GPSM1: variants seen among roughly 807,000 people sequenced by gnomAD.
GPSM1 encodes the protein G protein-signaling modulator 1.
GPSM1 carries 48 observed loss-of-function variants against 70.5 expected under a neutral mutation model. That is an observed-to-expected ratio of 0.68 (90% CI 0.54 to 0.87). The LOEUF (loss-of-function observed/expected upper bound fraction) is 0.87. GPSM1 is among the 40% of genes least tolerant of loss of function. The pLI is 0.00. For missense variants in GPSM1, 981 were observed against 972.6 expected, an observed-to-expected ratio of 1.01 and a Z score of -0.11; for synonymous variants, 416 against 430.1, an observed-to-expected ratio of 0.97 and a Z score of 0.41.
intron 1 of GPSM1, among the ~76,000 whole-genome samples, chr9:136,332,849 A>G (rs1183810863): frequency 2.0e-5 from 3 of 151,016 alleles, no homozygotes; most frequent in Non-Finnish European, 4.4e-5. Context: ...CAAAAAAAAA[A>G]AAAAAAAAAA....
chr9:136,354,858 T>G, intron 11 of GPSM1: 1 of 1,003,692 alleles, frequency 1.0e-6, no homozygotes, highest in Middle Eastern at 5.0e-4. Context: ...ACACAGGGTG[T>G]GGTGGGCACA....
chr9:136,350,058 C>T (rs1832622895), intron 11 of GPSM1, among the ~76,000 whole-genome samples: 1 of 152,236 alleles, frequency 6.6e-6, no homozygotes, highest in Non-Finnish European at 1.5e-5. Context: ...CTCTTTGGGC[C>T]TCAGTTTCCA....
intron 3 of GPSM1, 141 bp downstream of exon 3, chr9:136,336,242 C>T (rs1163453048): frequency 2.9e-5 from 30 of 1,020,706 alleles, no homozygotes; most frequent in Non-Finnish European, 4.1e-5. Flanking sequence ...CCCTAGATCC[C>T]GAGTGACTCA....
At chr9:136,331,374 C>CCCCG (rs1355685062) in intron 1 of GPSM1, among the ~76,000 whole-genome samples, 2 of 151,318 alleles carry the variant, frequency 1.3e-5, no homozygotes, top group African/African-American at 4.8e-5. Flanking sequence ...GCCCCCCCCC[C>CCCCG]CCGCTGCCCC....
In GPSM1 at chr9:136,338,099, G is replaced by T. The variant is rs73560802; in HGVS notation, c.818+138G>T. 784 of 633,120 alleles carry T rather than the reference G, an allele frequency of 1.2e-3. 5 individuals are homozygous for T. The African/African-American group carries it at 0.013, about 10-fold the overall frequency. 39.2% of individuals were successfully genotyped at this position (633,120 alleles called of 1,614,324 possible). On this transcript the variant is annotated intron_variant, in intron 6 of 13. Coordinates refer to ENST00000440944, the MANE Select transcript of GPSM1 (RefSeq NM_001145638.3). ...AGAAGGCAAGGTGGGGTTCTAGGCT[G>T]CCCCGGGAAGGGCAGACGGACAAAG... is the stretch of plus-strand genomic sequence containing the variant.
rs78623466 is a variant in GPSM1 at position 136,330,133 on chromosome 9, G to A, written c.68+2370G>A. On this transcript the variant is annotated intron_variant, in intron 1 of 13. Transcript: ENST00000440944. The stretch of plus-strand genomic sequence containing the variant: ...ACAGGCCAGTGGCTGAGAAGGCCCC[G>A]GAAAGTGGGGAAACCCTGGGTGGTC... Among the ~76,000 whole-genome samples the A allele has an allele frequency of 1.6e-3, 241 of 152,236 alleles. 9 individuals are homozygous for A. In the East Asian group the frequency reaches 0.044, roughly 28 times the overall value.
At position 136,358,224 on chromosome 9, in the gene GPSM1, C is replaced by T. The variant is rs1367669036; in HGVS notation, c.*4C>T. On this transcript the variant is annotated 3_prime_UTR_variant, in exon 14 of 14. Coordinates refer to ENST00000440944, the MANE Select transcript of GPSM1 (RefSeq NM_001145638.3). ...GTGCCAGCCTGGTGCGAGCTAAGGC[C>T]CTGTGCCCACCGCCAGGCCCACCCT... 2 of 1,539,702 alleles carry T rather than the reference C, an allele frequency of 1.3e-6. No homozygotes were observed. The highest frequency in any genetic ancestry group is 2.7e-5 in the African/African-American group (2 of 73,052).
chr9:136,334,875 G>A (rs1252814536), intron 2 of GPSM1, among the ~76,000 whole-genome samples: 5 of 151,898 alleles, frequency 3.3e-5, no homozygotes, highest in South Asian at 2.1e-4. Flanking sequence ...CCCTGCTGGC[G>A]GGTGAGTGGG....
intron 1 of GPSM1, among the ~76,000 whole-genome samples, chr9:136,329,066 T>C (rs28676733): frequency 0.52 from 79,349 of 151,918 alleles, 21,431 homozygotes; most frequent in African/African-American, 0.64. Context: ...CAGCTGACCA[T>C]AGAGTTGGGC....
At chr9:136,354,279 A>C (rs1184933607) in intron 11 of GPSM1, among the ~76,000 whole-genome samples, 1 of 151,936 alleles carries the variant, frequency 6.6e-6, no homozygotes. Flanking sequence ...TCTAGGCCCC[A>C]CTCTCCTGTG....
intron 1 of GPSM1, among the ~76,000 whole-genome samples, chr9:136,328,299 G>A (rs1290254601): frequency 1.3e-5 from 2 of 152,214 alleles, no homozygotes; most frequent in Non-Finnish European, 2.9e-5. Context: ...ACGCCTTTGG[G>A]GATGACAGGG....
chr9:136,349,503 C>T (rs1195676320), intron 10 of GPSM1, 84 bp from the exon 11 acceptor site: 14 of 1,230,592 alleles, frequency 1.1e-5, no homozygotes, highest in African/African-American at 7.6e-5. Flanking sequence ...GAAATGGAGG[C>T]GGCCTGGCCT....
intron 11 of GPSM1, among the ~76,000 whole-genome samples, chr9:136,351,166 C>A (rs1412501969): frequency 1.3e-5 from 2 of 152,228 alleles, no homozygotes; most frequent in Admixed American, 6.5e-5. Flanking sequence ...TGCCCAAGCC[C>A]ATCCTTCCCA....
intron 9 of GPSM1, among the ~76,000 whole-genome samples, chr9:136,344,637 T>C (rs781948421): frequency 2.0e-5 from 3 of 152,132 alleles, no homozygotes; most frequent in Non-Finnish European, 4.4e-5. Context: ...GCTTTGATCA[T>C]GATGCTCCAG....
chr9:136,356,833 G>A (rs969886221), intron 13 of GPSM1, among the ~76,000 whole-genome samples: 1 of 152,170 alleles, frequency 6.6e-6, no homozygotes, highest in Admixed American at 6.5e-5. Flanking sequence ...CAGGAACTCG[G>A]GGTGGGGGCT....
At chr9:136,345,769 C>T (rs1210865964) in intron 9 of GPSM1, among the ~76,000 whole-genome samples, 2 of 152,178 alleles carry the variant, frequency 1.3e-5, no homozygotes, top group Middle Eastern at 3.2e-3. Flanking sequence ...CAGACGTGCT[C>T]CTCTGTCATT....
intron 1 of GPSM1, 92 bp from the exon 2 acceptor site, chr9:136,334,354 CA>C: frequency 8.4e-6 from 7 of 837,160 alleles, no homozygotes; most frequent in Non-Finnish European, 9.6e-6. Flanking sequence ...CTAGCCCACC[CA>C]GGGGCGTCGT....
chr9:136,353,045 C>G, intron 11 of GPSM1: 3 of 977,198 alleles, frequency 3.1e-6, no homozygotes, highest in Non-Finnish European at 3.6e-6. Flanking sequence ...CAGCACTTGG[C>G]ACTTTGGGCA....
chr9:136,352,642 C>G (rs1021408007), intron 11 of GPSM1, among the ~76,000 whole-genome samples: 2 of 152,234 alleles, frequency 1.3e-5, no homozygotes, highest in Non-Finnish European at 1.5e-5. Flanking sequence ...AGGGCCGTCC[C>G]GGACAGAGGA....
Sources: allele counts gnomAD v4.1 joint callset (sites outside exome capture counted in the v4.1 genomes callset), GRCh38; gene constraint gnomAD v4.1.1; transcripts MANE v1.5; gene names NCBI Gene and HGNC (gene_info 2026-07-23, HGNC 2026-07-21).